The following RSPO4 variants were observed in gnomAD, a reference collection of about 807,000 sequenced individuals.
The protein encoded by RSPO4 is R-spondin 4, also known as R-spondin-4.
RSPO4 carries 23 observed loss-of-function variants against 24.8 expected under a neutral mutation model. The ratio of observed to expected loss-of-function variants is 0.93; its 90% CI spans 0.67 to 1.31. The LOEUF is 1.31. Ranked by LOEUF, RSPO4 falls within the 40% of genes most tolerant of loss-of-function variation. The pLI is 0.00. For synonymous variants in RSPO4, 141 were observed against 127.4 expected (o/e 1.11, Z -0.72); for missense variants, 333 against 316.5 (o/e 1.05, Z -0.39).
At chr20:979,639 G>A (rs1308041947) in intron 1 of RSPO4, among the ~76,000 whole-genome samples, 1 of 152,120 alleles carries the variant, frequency 6.6e-6, no homozygotes, top group South Asian at 2.1e-4. Context: ...GAGAGTTACA[G>A]CTTGGAGATC....
chr20:996,999 A>G (rs941183430), intron 1 of RSPO4, among the ~76,000 whole-genome samples: 4 of 152,120 alleles, frequency 2.6e-5, no homozygotes, highest in African/African-American at 4.8e-5. Flanking sequence ...ATTCATTTCT[A>G]TATCTATTGC....
At chr20:992,253 G>A (rs896734955) in intron 1 of RSPO4, among the ~76,000 whole-genome samples, 2 of 148,586 alleles carry the variant, frequency 1.3e-5, no homozygotes, top group Non-Finnish European at 2.9e-5. Context: ...TGTCCTCTGA[G>A]GTCCACTTTC....
At chr20:990,107 G>A (rs1007859016) in intron 1 of RSPO4, among the ~76,000 whole-genome samples, 1 of 152,214 alleles carries the variant, frequency 6.6e-6, no homozygotes, top group Admixed American at 6.5e-5. Context: ...ATGCAAAACT[G>A]AGCCCAGCTC....
intron 1 of RSPO4, among the ~76,000 whole-genome samples, chr20:984,580 A>G (rs1984841289): frequency 6.6e-6 from 1 of 152,182 alleles, no homozygotes; most frequent in Admixed American, 6.5e-5. Context: ...TTGGGCCTCC[A>G]GCCCAATGCT....
chr20:980,700 C>T (rs1435948048), intron 1 of RSPO4, among the ~76,000 whole-genome samples: 1 of 152,084 alleles, frequency 6.6e-6, no homozygotes, highest in African/African-American at 2.4e-5. Flanking sequence ...GGTGGTAAAA[C>T]CGGGGTTCAA....
At chr20:971,647 A>G (rs1403910319) in intron 1 of RSPO4, among the ~76,000 whole-genome samples, 1 of 152,216 alleles carries the variant, frequency 6.6e-6, no homozygotes, top group Non-Finnish European at 1.5e-5. Context: ...CATTTATATA[A>G]AGTTCAAGGA....
At chr20:991,145 T>C (rs1351816896) in intron 1 of RSPO4, among the ~76,000 whole-genome samples, 1 of 152,168 alleles carries the variant, frequency 6.6e-6, no homozygotes, top group African/African-American at 2.4e-5. Flanking sequence ...CTCACCACAT[T>C]GCCCGGGCTG....
At chr20:1,000,143 A>T (rs1278313138) in intron 1 of RSPO4, among the ~76,000 whole-genome samples, 2 of 152,172 alleles carry the variant, frequency 1.3e-5, no homozygotes, top group Non-Finnish European at 2.9e-5. Context: ...TGCTGGTATT[A>T]CAGGCGTGAG....
Position 988,641 on chromosome 20 carries a change from C to T in RSPO4, c.79+13445G>A, listed in dbSNP as rs1242954070. ...TCTCGACTCAGTGCAACCTCTGCCTCCCAGGTTCAAGCAATTCTCCTGCCT... is the reference window on the plus strand; with the variant it reads ...TCTCGACTCAGTGCAACCTCTGCCTTCCAGGTTCAAGCAATTCTCCTGCCT... On this transcript the variant is annotated intron_variant, in intron 1 of 4. Transcript: ENST00000217260. Among the ~76,000 whole-genome samples, 3 of 151,968 alleles carry T rather than the reference C, an allele frequency of 2.0e-5. No individual in the cohort carries two copies. The South Asian group carries it at 6.2e-4, about 32-fold the overall frequency.
chr20:989,985 C>A (rs2122259724), intron 1 of RSPO4, among the ~76,000 whole-genome samples: 1 of 152,314 alleles, frequency 6.6e-6, no homozygotes, highest in Non-Finnish European at 1.5e-5. Flanking sequence ...TTAAAACTTG[C>A]CATAACCCCA....
At chr20:995,798 G>C (rs1300339414) in intron 1 of RSPO4, among the ~76,000 whole-genome samples, 1 of 152,160 alleles carries the variant, frequency 6.6e-6, no homozygotes, top group African/African-American at 2.4e-5. Flanking sequence ...GAAAGGGGCT[G>C]AGCACAGAAG....
chr20:978,161 A>T (rs955951591), intron 1 of RSPO4, among the ~76,000 whole-genome samples: 5 of 152,166 alleles, frequency 3.3e-5, no homozygotes, highest in African/African-American at 1.2e-4. Flanking sequence ...AGGGCAGAAC[A>T]TTCAGCAGAA....
intron 1 of RSPO4, among the ~76,000 whole-genome samples, chr20:990,236 G>A (rs1985053663): frequency 6.6e-6 from 1 of 152,170 alleles, no homozygotes. Flanking sequence ...CAGGTCCCGA[G>A]GCACACCAGG....
At chr20:997,655 CT>C (rs1045463545) in intron 1 of RSPO4, among the ~76,000 whole-genome samples, 10 of 152,198 alleles carry the variant, frequency 6.6e-5, no homozygotes, top group African/African-American at 2.4e-4. Flanking sequence ...GCGATGGCGC[CT>C]GCTTGCCCAG....
At chr20:964,831 C>CAT (rs9305152) in intron 3 of RSPO4, among the ~76,000 whole-genome samples, 8 of 133,272 alleles carry the variant, frequency 6.0e-5, no homozygotes, top group Non-Finnish European at 1.3e-4. Context: ...CACACACACA[C>CAT]ATATATATAT....
intron 1 of RSPO4, among the ~76,000 whole-genome samples, chr20:968,347 A>C (rs962366239): frequency 2.0e-5 from 3 of 152,228 alleles, no homozygotes; most frequent in Non-Finnish European, 4.4e-5. Flanking sequence ...GCAGCATGTG[A>C]CACTTCAAGA....
At chr20:976,862 T>C (rs1395840230) in intron 1 of RSPO4, among the ~76,000 whole-genome samples, 1 of 152,074 alleles carries the variant, frequency 6.6e-6, no homozygotes, top group Admixed American at 6.5e-5. Flanking sequence ...AATCAAGAGA[T>C]TTCACATTAA....
chr20:966,145 C>G (rs1335410749), intron 3 of RSPO4, among the ~76,000 whole-genome samples: 1 of 152,084 alleles, frequency 6.6e-6, no homozygotes, highest in African/African-American at 2.4e-5. Flanking sequence ...AGGCTGGAGA[C>G]ACGGAGTCAG....
intron 1 of RSPO4, among the ~76,000 whole-genome samples, chr20:992,036 C>CGGAT (rs200009573): frequency 6.6e-6 from 1 of 151,646 alleles, no homozygotes. Context: ...TGAGAGGGGA[C>CGGAT]GAGGAAGTAA....
Sources: gnomAD v4.1 joint callset for allele counts (sites outside exome capture counted in the v4.1 genomes callset) on GRCh38, gnomAD v4.1.1 for gene constraint, MANE v1.5 for transcripts, NCBI Gene and HGNC (gene_info 2026-07-23, HGNC 2026-07-21) for gene names.